The following EFTUD2 variants were observed in gnomAD, a reference collection of about 807,000 sequenced individuals.
EFTUD2 encodes 116 kDa U5 small nuclear ribonucleoprotein component.
Under a neutral mutation model 114.3 loss-of-function variants are expected in EFTUD2, and 9 were observed. The observed-to-expected ratio is 0.08, with a 90% confidence interval of 0.05 to 0.14. The LOEUF is 0.14. EFTUD2 is among the 10% of genes least tolerant of loss of function. The pLI, the probability that EFTUD2 is intolerant of heterozygous loss-of-function variation, is 1.00. For missense variants in EFTUD2, 765 were observed against 1,241.2 expected (o/e 0.62, Z 5.76); for synonymous variants, 449 against 462.3 (o/e 0.97, Z 0.37).
chr17:44,868,150 G>A (rs574127529), intron 12 of EFTUD2, 137 bp downstream of exon 12: 1 of 899,968 alleles, frequency 1.1e-6, no homozygotes, highest in South Asian at 2.0e-5. Flanking sequence ...CCCATTTAGG[G>A]GAGGAAAGAC....
intron 23 of EFTUD2, chr17:44,853,846 G>C: frequency 7.1e-7 from 1 of 1,412,488 alleles, no homozygotes; most frequent in African/African-American, 1.4e-5. Context: ...GTTTGCTTCA[G>C]GCCATGCTCA....
chr17:44,851,377 G>T lies in EFTUD2; in HGVS notation c.2824-8C>A, dbSNP rs2050444349. 7.5e-6 allele frequency: 12 copies of T among 1,610,674 alleles called. No homozygotes were observed. The highest frequency in any genetic ancestry group is 7.6e-6 in the Non-Finnish European group (9 of 1,177,508). ...CACATCTTCACTGAGGCCCTGCAGG[G>T]AATGGGGCAAATATAAGAAAGCCCG... is the stretch of plus-strand genomic sequence containing the variant. On this transcript the variant is annotated splice_polypyrimidine_tract_variant and splice_region_variant and intron_variant, in intron 27 of 27. Coordinates refer to ENST00000426333, the MANE Select transcript of EFTUD2 (RefSeq NM_004247.4).
At chr17:44,863,093 CA>C (rs1007253338) in intron 15 of EFTUD2, 187 bp from the exon 16 acceptor site, 15 of 436,118 alleles carry the variant, frequency 3.4e-5, no homozygotes, top group Non-Finnish European at 4.4e-5. Flanking sequence ...CATGGCAGAG[CA>C]AAAATATTCT....
chr17:44,894,299 G>A, intron 2 of EFTUD2, 118 bp downstream of exon 2: 1 of 787,858 alleles, frequency 1.3e-6, no homozygotes, highest in South Asian at 1.6e-5. Context: ...AAGCCCAGGA[G>A]GTGGAGGTTG....
chr17:44,863,224 C>T (rs771702784), intron 15 of EFTUD2: 28 of 275,638 alleles, frequency 1.0e-4, no homozygotes, highest in Non-Finnish European at 1.6e-4. Flanking sequence ...AGATGTAACT[C>T]AATTCTCAAC....
intron 10 of EFTUD2, 105 bp from the exon 11 acceptor site, chr17:44,872,675 G>A (rs770980506): frequency 4.1e-5 from 58 of 1,405,848 alleles, no homozygotes; most frequent in East Asian, 3.0e-4. Flanking sequence ...TCCAGCCCTC[G>A]GAAGGGACTT....
chr17:44,852,672 A>G (rs2050475951), intron 25 of EFTUD2, 110 bp from the exon 26 acceptor site: 1 of 1,302,904 alleles, frequency 7.7e-7, no homozygotes, highest in Non-Finnish European at 1.1e-6. Context: ...AGTTACCATC[A>G]AAGAAAGAGT....
chr17:44,855,129 G>T, intron 20 of EFTUD2, 125 bp from the exon 21 acceptor site: 1 of 832,492 alleles, frequency 1.2e-6, no homozygotes, highest in Non-Finnish European at 2.0e-6. Context: ...GGGGCCAAGC[G>T]TGGTGGTTCA....
chr17:44,890,310 G>A (rs763634849), intron 2 of EFTUD2, among the ~76,000 whole-genome samples: 1 of 151,224 alleles, frequency 6.6e-6, no homozygotes, highest in Admixed American at 6.6e-5. Context: ...ATGAGCCAAC[G>A]CACCCAGCCT....
intron 14 of EFTUD2, 98 bp from the exon 15 acceptor site, chr17:44,863,880 CG>C: frequency 1.3e-6 from 2 of 1,494,554 alleles, no homozygotes; most frequent in Non-Finnish European, 1.8e-6. Context: ...GCTCAAAGTG[CG>C]GGGACTGATT....
intron 10 of EFTUD2, among the ~76,000 whole-genome samples, chr17:44,875,344 C>T (rs1430349563): frequency 1.3e-5 from 2 of 152,088 alleles, no homozygotes; most frequent in Non-Finnish European, 2.9e-5. Context: ...ACCTGGCTAA[C>T]ACAGTGAAAC....
rs566511040 is a variant in EFTUD2, at chr17:44,864,095, C to G, written c.1286-313G>C. 3 of 210,916 alleles carry G rather than the reference C, an allele frequency of 1.4e-5. No homozygotes were observed. In the Admixed American group the frequency reaches 1.7e-4, roughly 12 times the overall value. The allele number at this position is 210,916 out of a possible 1,614,324, so 13.1% of individuals were successfully genotyped here. A position where few individuals can be genotyped will look rare whatever the true frequency, so the allele number is the denominator to read the frequency against. Reference sequence around the variant, plus strand: ...ATTGGCTATACGCATTTACGTGGAACAAAATAAGCACCCCATCTAACATCT... The same window carrying G: ...ATTGGCTATACGCATTTACGTGGAAGAAAATAAGCACCCCATCTAACATCT... On this transcript the variant is annotated intron_variant, in intron 14 of 27. Transcript: ENST00000426333.
intron 26 of EFTUD2, 74 bp from the exon 27 acceptor site, chr17:44,851,891 T>C: frequency 5.0e-6 from 6 of 1,201,072 alleles, no homozygotes; most frequent in Non-Finnish European, 7.0e-6. Context: ...AGGACTCTTC[T>C]TATTTATTTT....
At chr17:44,855,370 G>A (rs141695261) in intron 20 of EFTUD2, among the ~76,000 whole-genome samples, 79 of 152,230 alleles carry the variant, frequency 5.2e-4, no homozygotes, top group African/African-American at 1.8e-3. Context: ...AGCCTACCCT[G>A]GCCAACATGG....
intron 25 of EFTUD2, 94 bp downstream of exon 25, chr17:44,853,202 G>A (rs2050487060): frequency 1.5e-6 from 2 of 1,363,400 alleles, no homozygotes; most frequent in East Asian, 4.6e-5. Context: ...GAGGAGGGTA[G>A]AGAAGGCCAA....
chr17:44,892,394 C>T (rs929451380), intron 2 of EFTUD2: 3 of 152,180 alleles, frequency 2.0e-5, no homozygotes, highest in African/African-American at 7.2e-5. Context: ...AAGAGCTCTG[C>T]TGGTGACCCA....
In EFTUD2 at chr17:44,849,982, A is replaced by C; in HGVS notation, c.*1292T>G. Reference sequence around the variant, plus strand: ...TCTTCCTCTTGAGATTAAAAAGCAGACAGCCACTTGCTAACTGTGTGACAG... The same window carrying C: ...TCTTCCTCTTGAGATTAAAAAGCAGCCAGCCACTTGCTAACTGTGTGACAG... On this transcript the variant is annotated 3_prime_UTR_variant, in exon 28 of 28. Transcript: ENST00000426333. 4.4e-6 allele frequency: 1 copy of C among 225,078 alleles called. No individual in the cohort carries two copies. Among genetic ancestry groups the C allele is most frequent in the East Asian group, 9.0e-5 (1 of 11,100 alleles). The allele number at this position is 225,078 out of a possible 1,614,324, so 13.9% of individuals were successfully genotyped here.
At chr17:44,883,218 C>T in intron 5 of EFTUD2, 60 bp from the exon 6 acceptor site, 1 of 1,501,066 alleles carries the variant, frequency 6.7e-7, no homozygotes. Context: ...CTGTGCCCTT[C>T]CCCCAGCTCC....
intron 12 of EFTUD2, 136 bp from the exon 13 acceptor site, chr17:44,868,033 C>T (rs1205937301): frequency 4.2e-6 from 4 of 950,856 alleles, no homozygotes; most frequent in Non-Finnish European, 6.2e-6. Context: ...TTTCCAGAGA[C>T]AGATTCCTGG....
Sources: allele counts gnomAD v4.1 joint callset (sites outside exome capture counted in the v4.1 genomes callset), GRCh38; gene constraint gnomAD v4.1.1; transcripts MANE v1.5; gene names NCBI Gene and HGNC (gene_info 2026-07-23, HGNC 2026-07-21).